ATP10B: variants seen among roughly 807,000 people sequenced by gnomAD.
ATP10B encodes the protein ATPase phospholipid transporting 10B (putative), also known as phospholipid-transporting ATPase VB.
A neutral mutation model predicts 141.2 loss-of-function variants in ATP10B; 122 were observed. The ratio of observed to expected loss-of-function variants is 0.86; its 90% CI spans 0.75 to 1.00. The LOEUF (loss-of-function observed/expected upper bound fraction) is 1.00. ATP10B is among the 50% of genes least tolerant of loss of function. The pLI is 0.00. For missense variants in ATP10B, 1,876 were observed against 1,825.3 expected, an observed-to-expected ratio of 1.03 and a Z score of -0.51; for synonymous variants, 685 against 692.0, an observed-to-expected ratio of 0.99 and a Z score of 0.16.
At chr5:160,849,592 G>A (rs191128991) in intron 1 of ATP10B, among the ~76,000 whole-genome samples, 20 of 142,066 alleles carry the variant, frequency 1.4e-4, no homozygotes, top group Non-Finnish European at 2.3e-4. Flanking sequence ...CCTTCTGTGG[G>A]CCAATTATTG....
intron 3 of ATP10B, among the ~76,000 whole-genome samples, chr5:160,694,832 G>A (rs1341532391): frequency 1.3e-5 from 2 of 152,250 alleles, no homozygotes; most frequent in African/African-American, 4.8e-5. Context: ...AAACATACAC[G>A]TTTAGAAATA....
At chr5:160,692,273 T>A (rs892194108) in intron 3 of ATP10B, among the ~76,000 whole-genome samples, 3 of 152,212 alleles carry the variant, frequency 2.0e-5, no homozygotes, top group African/African-American at 7.2e-5. Flanking sequence ...AATATTTATA[T>A]AGTTTCAAAG....
At chr5:160,844,275 T>C (rs912323785) in intron 1 of ATP10B, among the ~76,000 whole-genome samples, 1 of 152,118 alleles carries the variant, frequency 6.6e-6, no homozygotes, top group African/African-American at 2.4e-5. Context: ...TTCTTCATAA[T>C]TGCCCCAACC....
chr5:160,618,467 C>T (rs529945792), intron 15 of ATP10B, among the ~76,000 whole-genome samples: 7 of 152,234 alleles, frequency 4.6e-5, no homozygotes, highest in African/African-American at 1.7e-4. Flanking sequence ...CAAATTAGGT[C>T]CCAAGACATC....
intron 24 of ATP10B, among the ~76,000 whole-genome samples, chr5:160,583,568 G>A (rs995609603): frequency 6.6e-6 from 1 of 152,184 alleles, no homozygotes; most frequent in African/African-American, 2.4e-5. Context: ...AGCAGAGCTC[G>A]AGCGCTGTGC....
chr5:160,687,032 C>T (rs959929408), intron 5 of ATP10B: 53 of 848,982 alleles, frequency 6.2e-5, no homozygotes, highest in South Asian at 1.6e-4. Flanking sequence ...TCTGCAGGAA[C>T]ATTCTGCTGA....
rs763689747 is a variant in ATP10B at position 160,688,628 on chromosome 5, G to A, written c.-21+132C>T. 241 of 386,290 alleles carry A rather than the reference G, an allele frequency of 6.2e-4. 1 individual carries two copies. Among genetic ancestry groups the A allele is most frequent in the Non-Finnish European group, 7.9e-4 (223 of 283,266 alleles). 23.9% of individuals were successfully genotyped at this position (386,290 alleles called of 1,614,324 possible). A position where few individuals can be genotyped will look rare whatever the true frequency, so the allele number is the denominator to read the frequency against. On this transcript the variant is annotated intron_variant, in intron 4 of 25. Transcript: ENST00000327245. ...TCTATACTTATTCCACAAGATTTTT[G>A]TGAGGAACAAATTGGATAGTACAGA...
chr5:160,686,158 T>A lies in ATP10B; in HGVS notation c.391A>T (p.Ile131Phe), dbSNP rs777003578. The change falls in exon 6 of 26, where the codon ATC (isoleucine) becomes TTC (phenylalanine). Residue 131 changes from isoleucine (I) to phenylalanine (F), a missense_variant. Ile to Phe is a conservative substitution (Grantham distance 21). Transcript: ENST00000327245. ...TTGAAGTCCTCCATGCCATCCTTGA[T>A]CATGATGACGAACAGGACAATGGCC... Reference protein sequence around the residue: ...PLAIVLFVIMIKDGMEDFKRH... With the variant: ...PLAIVLFVIMFKDGMEDFKRH... The A allele has an allele frequency of 6.2e-7, 1 of 1,613,178 alleles. No individual in the cohort carries two copies.
rs761298581 is a variant in ATP10B at position 160,598,785 on chromosome 5, A to G, written c.3549T>C (p.Ser1183=). The G allele has an allele frequency of 9.3e-6, 15 of 1,613,948 alleles. No homozygotes were observed. Among genetic ancestry groups the G allele is most frequent in the Non-Finnish European group, 1.3e-5 (15 of 1,179,944 alleles). ...TLLALPELYK[S]GQNSECYNLS... ...ATCTCCTTACCTCAGAGTTCTGGCC[A>G]CTCTTGTATAGCTCAGGCAATGCCA... is the stretch of plus-strand genomic sequence containing the variant. The change falls in exon 22 of 26, where the codon AGT becomes AGC. Residue 1183 remains serine (S), a synonymous_variant. Coordinates refer to ENST00000327245, the MANE Select transcript of ATP10B (RefSeq NM_025153.3).
intron 7 of ATP10B, among the ~76,000 whole-genome samples, chr5:160,662,898 C>A (rs1221400480): frequency 6.6e-6 from 1 of 152,216 alleles, no homozygotes; most frequent in Non-Finnish European, 1.5e-5. Flanking sequence ...ATCTACCCAT[C>A]TGACAAAGGG....
At chr5:160,793,061 C>A (rs145235298) in intron 1 of ATP10B, among the ~76,000 whole-genome samples, 1 of 152,098 alleles carries the variant, frequency 6.6e-6, no homozygotes, top group African/African-American at 2.4e-5. Flanking sequence ...TATTTTTAAT[C>A]GGGAGTATGT....
intron 22 of ATP10B, among the ~76,000 whole-genome samples, chr5:160,592,259 C>T (rs1465151053): frequency 6.6e-6 from 1 of 152,166 alleles, no homozygotes; most frequent in Non-Finnish European, 1.5e-5. Flanking sequence ...CAATGAAAAG[C>T]AAAGTAGCTA....
intron 15 of ATP10B, among the ~76,000 whole-genome samples, chr5:160,619,283 C>T (rs2127646653): frequency 6.6e-6 from 1 of 152,334 alleles, no homozygotes; most frequent in East Asian, 1.9e-4. Flanking sequence ...CATTTTCTCC[C>T]TCCTTTCAAA....
chr5:160,813,000 G>A (rs956126113), intron 1 of ATP10B, among the ~76,000 whole-genome samples: 2 of 152,230 alleles, frequency 1.3e-5, no homozygotes, highest in Non-Finnish European at 2.9e-5. Context: ...AGAATCTTGA[G>A]AGAAATAGCA....
intron 1 of ATP10B, among the ~76,000 whole-genome samples, chr5:160,839,196 T>C (rs1436201893): frequency 3.9e-5 from 6 of 152,146 alleles, no homozygotes; most frequent in Non-Finnish European, 7.4e-5. Flanking sequence ...AAATGGGATA[T>C]TGAATTGTGT....
At chr5:160,709,615 T>A (rs1195983415) in intron 3 of ATP10B, among the ~76,000 whole-genome samples, 2 of 150,608 alleles carry the variant, frequency 1.3e-5, no homozygotes, top group Non-Finnish European at 3.0e-5. Context: ...TTAATTTTTT[T>A]TTTTTTATTA....
At chr5:160,665,934 CCAAA>C (rs1372133664) in intron 7 of ATP10B, among the ~76,000 whole-genome samples, 1 of 152,032 alleles carries the variant, frequency 6.6e-6, no homozygotes, top group Non-Finnish European at 1.5e-5. Context: ...TATTAAATTT[CCAAA>C]CAAACCATAT....
the ATP10B span, among the ~76,000 whole-genome samples, chr5:160,910,405 C>T: frequency 6.6e-6 from 1 of 152,174 alleles, no homozygotes; most frequent in Admixed American, 6.5e-5. Context: ...AAGGAGAGCT[C>T]CATGAGAGCA....
the ATP10B span, among the ~76,000 whole-genome samples, chr5:160,923,418 T>C: frequency 8.0e-4 from 122 of 152,312 alleles, no homozygotes; most frequent in African/African-American, 2.8e-3. Flanking sequence ...TAAACGATGA[T>C]GACAGTATTT....
Sources: allele counts gnomAD v4.1 joint callset (sites outside exome capture counted in the v4.1 genomes callset), GRCh38; gene constraint gnomAD v4.1.1; transcripts MANE v1.5; gene names NCBI Gene and HGNC (gene_info 2026-07-23, HGNC 2026-07-21).